PTPRM: variants seen among roughly 807,000 people sequenced by gnomAD.
PTPRM encodes receptor-type tyrosine-protein phosphatase mu.
PTPRM carries 47 observed loss-of-function variants against 186.7 expected under a neutral mutation model. The ratio of observed to expected loss-of-function variants is 0.25; its 90% CI spans 0.20 to 0.32. PTPRM has a LOEUF of 0.32. Among genes scored for constraint, PTPRM ranks in the 10% least tolerant of loss-of-function variants. PTPRM has a pLI of 1.00. For synonymous variants in PTPRM, 668 were observed against 674.9 expected, an observed-to-expected ratio of 0.99 and a Z score of 0.16; for missense variants, 1,494 against 1,865.0, an observed-to-expected ratio of 0.80 and a Z score of 3.66.
chr18:8,222,122 T>C (rs2094160497), intron 14 of PTPRM, among the ~76,000 whole-genome samples: 1 of 152,232 alleles, frequency 6.6e-6, no homozygotes, highest in African/African-American at 2.4e-5. Flanking sequence ...TGGCTAAAGA[T>C]TTTCTTTTAA....
intron 14 of PTPRM, among the ~76,000 whole-genome samples, chr18:8,163,764 GT>G (rs775205496): frequency 2.3e-4 from 35 of 152,204 alleles, no homozygotes; most frequent in Non-Finnish European, 2.6e-4. Flanking sequence ...TATGTGCAGT[GT>G]AACATGCTCC....
intron 7 of PTPRM, among the ~76,000 whole-genome samples, chr18:8,033,220 A>G (rs2086104306): frequency 2.6e-5 from 4 of 152,350 alleles, no homozygotes; most frequent in Middle Eastern, 3.4e-3. Flanking sequence ...GCAAAGGATT[A>G]TAACAGGCAA....
chr18:7,890,193 CTTTCTT>C (rs2049000085), intron 3 of PTPRM, among the ~76,000 whole-genome samples: 3 of 152,182 alleles, frequency 2.0e-5, no homozygotes, highest in Non-Finnish European at 4.4e-5. Flanking sequence ...TTGCTTTTCT[CTTTCTT>C]TAATTCCTTT....
intron 2 of PTPRM, among the ~76,000 whole-genome samples, chr18:7,810,230 G>A (rs79746056): frequency 0.012 from 1,893 of 152,270 alleles, 37 homozygotes; most frequent in African/African-American, 0.043. Context: ...CTGCCCTTTG[G>A]CATGTTGAGC....
chr18:7,775,084 C>T (rs2042514767), intron 2 of PTPRM, among the ~76,000 whole-genome samples: 1 of 152,188 alleles, frequency 6.6e-6, no homozygotes, highest in African/African-American at 2.4e-5. Context: ...TTCATTAATG[C>T]TCCAAAGCGT....
At chr18:8,326,638 A>G (rs1164565406) in intron 22 of PTPRM, among the ~76,000 whole-genome samples, 1 of 152,178 alleles carries the variant, frequency 6.6e-6, no homozygotes, top group African/African-American at 2.4e-5. Context: ...CCACACACCT[A>G]CAACCATCTG....
intron 1 of PTPRM, among the ~76,000 whole-genome samples, chr18:7,642,856 A>G (rs963491644): frequency 6.6e-6 from 1 of 150,600 alleles, no homozygotes; most frequent in Admixed American, 6.6e-5. Context: ...CTTAAAAAAA[A>G]AAAAAAAAAA....
At chr18:8,194,811 G>A (rs9916918) in intron 14 of PTPRM, among the ~76,000 whole-genome samples, 5,131 of 151,968 alleles carry the variant, frequency 0.034, 275 homozygotes, top group African/African-American at 0.12. Flanking sequence ...CTCCTGTTTG[G>A]GAGTCACTTA....
rs1270438379 is a variant in PTPRM at position 8,358,244 on chromosome 18, GACACGC to G, written c.3055-12641_3055-12636del. Among the ~76,000 whole-genome samples, 45 of 82,326 alleles carry G rather than the reference GACACGC, an allele frequency of 5.5e-4. 1 individual carries two copies. The South Asian group carries it at 0.018, about 32-fold the overall frequency. 54.0% of individuals were successfully genotyped at this position (82,326 alleles called of 152,430 possible). A position where few individuals can be genotyped will look rare whatever the true frequency, so the allele number is the denominator to read the frequency against. On this transcript the variant is annotated intron_variant, in intron 23 of 32. Coordinates refer to ENST00000580170, the MANE Select transcript of PTPRM (RefSeq NM_001105244.2). ...AGGTTCTTCCCAAATGTATGCACAT[GACACGC>G]ACACACACACACACACACACACACA...
chr18:8,098,343 C>A (rs2091113236), intron 11 of PTPRM, among the ~76,000 whole-genome samples: 1 of 152,082 alleles, frequency 6.6e-6, no homozygotes. Context: ...TTTTGAATAT[C>A]ATGCAATACC....
intron 20 of PTPRM, among the ~76,000 whole-genome samples, chr18:8,314,078 C>T (rs641631): frequency 0.097 from 14,671 of 151,768 alleles, 1,481 homozygotes; most frequent in African/African-American, 0.26. Flanking sequence ...TTTTTTTTAC[C>T]CTGGAAATAC....
intron 14 of PTPRM, among the ~76,000 whole-genome samples, chr18:8,229,886 A>G (rs2094263640): frequency 6.6e-6 from 1 of 152,192 alleles, no homozygotes; most frequent in African/African-American, 2.4e-5. Context: ...TGCTGAAGAG[A>G]TCCACACACC....
At chr18:7,955,721 A>T (rs2053265410) in intron 7 of PTPRM, among the ~76,000 whole-genome samples, 1 of 152,144 alleles carries the variant, frequency 6.6e-6, no homozygotes, top group South Asian at 2.1e-4. Context: ...GTCTACTCTA[A>T]TGATGTCCTC....
chr18:8,218,589 T>TG (rs2094116948), intron 14 of PTPRM, among the ~76,000 whole-genome samples: 1 of 152,156 alleles, frequency 6.6e-6, no homozygotes, highest in African/African-American at 2.4e-5. Context: ...GTTGCACTCT[T>TG]GGGGGACAAG....
At chr18:8,003,731 C>T (rs950507336) in intron 7 of PTPRM, among the ~76,000 whole-genome samples, 2 of 152,164 alleles carry the variant, frequency 1.3e-5, no homozygotes, top group African/African-American at 4.8e-5. Flanking sequence ...TATTTCTTTG[C>T]ATCTGTATAA....
intron 2 of PTPRM, among the ~76,000 whole-genome samples, chr18:7,830,442 C>A (rs1274529259): frequency 6.6e-6 from 1 of 152,166 alleles, no homozygotes; most frequent in Non-Finnish European, 1.5e-5. Context: ...GTGCAAACAC[C>A]ACAAAATGTA....
chr18:7,654,343 A>T (rs1424091164), intron 1 of PTPRM, among the ~76,000 whole-genome samples: 4 of 152,146 alleles, frequency 2.6e-5, no homozygotes, highest in East Asian at 1.9e-4. Context: ...GAGGTTACAA[A>T]TTTTTTTGTG....
chr18:7,916,487 A>G (rs550216850), intron 4 of PTPRM, among the ~76,000 whole-genome samples: 3 of 152,320 alleles, frequency 2.0e-5, no homozygotes, highest in African/African-American at 7.2e-5. Flanking sequence ...GGAGCCTGGA[A>G]GTCTGAGATC....
chr18:8,375,431 T>G (rs2095688487), intron 24 of PTPRM, among the ~76,000 whole-genome samples: 1 of 152,096 alleles, frequency 6.6e-6, no homozygotes, highest in South Asian at 2.1e-4. Context: ...GGGTAAAATA[T>G]TTACCCACAT....
Sources: allele counts gnomAD v4.1 joint callset (sites outside exome capture counted in the v4.1 genomes callset), GRCh38; gene constraint gnomAD v4.1.1; transcripts MANE v1.5; gene names NCBI Gene and HGNC (gene_info 2026-07-23, HGNC 2026-07-21).